THOP1: variants seen among roughly 807,000 people sequenced by gnomAD.
The protein encoded by THOP1 is thimet oligopeptidase 1.
THOP1 carries 49 observed loss-of-function variants against 71.8 expected under a neutral mutation model. That is an observed-to-expected ratio of 0.68 (90% CI 0.54 to 0.87). THOP1 has a LOEUF of 0.87. THOP1 is among the 40% of genes least tolerant of loss of function. The probability of loss-of-function intolerance (pLI) is 0.00; values close to 1 mark genes in which losing one functional copy is unlikely to be tolerated. For missense variants in THOP1, 843 were observed against 975.6 expected (o/e 0.86, Z 1.81); for synonymous variants, 426 against 421.5 (o/e 1.01, Z -0.13).
In THOP1 at chr19:2,813,382, AG is replaced by A. The variant is rs1007170251; in HGVS notation, c.*109del. ...CTCTGGCACAGTGCCTGGGACTGGC[AG>A]GGTGGCTGAGCGGCTGTCTTGCCTC... On this transcript the variant is annotated 3_prime_UTR_variant, in exon 13 of 13. Coordinates refer to ENST00000307741, the MANE Select transcript of THOP1 (RefSeq NM_003249.5). 3 of 1,342,220 alleles carry A rather than the reference AG, an allele frequency of 2.2e-6. No individual in the cohort carries two copies. Among genetic ancestry groups the A allele is most frequent in the African/African-American group, 2.9e-5 (2 of 67,908 alleles). The allele number at this position is 1,342,220 out of a possible 1,614,324, so 83.1% of individuals were successfully genotyped here.
At chr19:2,799,419 C>T (rs974915122) in intron 4 of THOP1, among the ~76,000 whole-genome samples, 1 of 152,224 alleles carries the variant, frequency 6.6e-6, no homozygotes, top group Admixed American at 6.5e-5. Context: ...CCACACCTGA[C>T]AGACCGGAGC....
chr19:2,799,575 C>G (rs1916096363), intron 4 of THOP1, 114 bp from the exon 5 acceptor site: 1 of 830,226 alleles, frequency 1.2e-6, no homozygotes, highest in Non-Finnish European at 1.9e-6. Context: ...CTTCTTTCGG[C>G]CTGGTTCTTG....
chr19:2,807,598 G>A lies in THOP1; in HGVS notation c.1043G>A (p.Arg348His), dbSNP rs185080096. The A allele has an allele frequency of 6.2e-6, 10 of 1,612,632 alleles. No homozygotes were observed. In the African/African-American group the frequency reaches 8.0e-5, roughly 13 times the overall value. The change falls in exon 8 of 13, where the codon CGC becomes CAC. Residue 348 changes from arginine to histidine, a missense_variant. Arg to His is a conservative substitution (Grantham distance 29). Coordinates refer to ENST00000307741, the MANE Select transcript of THOP1 (RefSeq NM_003249.5). ...TACATGAACCAGGTGGAGGAGACGC[G>A]CTACTGCGTGGACCAGAACCTGCTC... is the stretch of plus-strand genomic sequence containing the variant. ...RYYMNQVEET[R>H]YCVDQNLLKE...
At chr19:2,785,760 G>C (rs562313342) in intron 1 of THOP1, 82 bp downstream of exon 1, 9 of 1,258,902 alleles carry the variant, frequency 7.1e-6, no homozygotes, top group African/African-American at 1.6e-5. Context: ...CCTAAGGCTG[G>C]AGCGAAGCGA....
intron 5 of THOP1, among the ~76,000 whole-genome samples, chr19:2,802,943 C>G (rs1001231625): frequency 6.6e-6 from 1 of 152,264 alleles, no homozygotes; most frequent in East Asian, 1.9e-4. Flanking sequence ...TCCCTGTGTC[C>G]TTGTAATGCA....
rs2144770248 is a variant in THOP1 at position 2,801,572 on chromosome 19, G to C, written c.589+1781G>C. Among the ~76,000 whole-genome samples, 1 of 152,290 alleles carries C rather than the reference G, an allele frequency of 6.6e-6. No homozygotes were observed. The highest frequency in any genetic ancestry group is 1.5e-5 in the Non-Finnish European group (1 of 68,022). ...TCCCTTTGTGGTCCGTCATTTCTCA[G>C]GAGACGCCTTGCGATGGTCTTAGTT... On this transcript the variant is annotated intron_variant, in intron 5 of 12. Transcript: ENST00000307741. This position sits in a 1 kb window ranked among gnomAD's most constrained non-coding sequence, Gnocchi z 5.1.
Position 2,813,944 on chromosome 19 carries a change from G to A in THOP1, c.*668G>A, listed in dbSNP as rs1349786658. The A allele has an allele frequency of 6.6e-6, 1 of 152,558 alleles. No homozygotes were observed. Among genetic ancestry groups the A allele is most frequent in the Non-Finnish European group, 1.5e-5 (1 of 68,316 alleles). The allele number at this position is 152,558 out of a possible 1,614,324, so 9.5% of individuals were successfully genotyped here. A position where few individuals can be genotyped will look rare whatever the true frequency, so the allele number is the denominator to read the frequency against. ...GGCCCTGTGCGCACAGGCAGCCGGG[G>A]CGGGGCTGGGGGTCAGCAGCTGCCC... is the stretch of plus-strand genomic sequence containing the variant. On this transcript the variant is annotated 3_prime_UTR_variant, in exon 13 of 13. Transcript: ENST00000307741.
At chr19:2,785,723 TCG>T in intron 1 of THOP1, 45 bp downstream of exon 1, 1 of 1,364,028 alleles carries the variant, frequency 7.3e-7, no homozygotes, top group Non-Finnish European at 9.5e-7. Flanking sequence ...CCCTGCACCC[TCG>T]CTCCTCCCGG....
At position 2,808,590 on chromosome 19, in the gene THOP1, G is replaced by A; in HGVS notation, c.1455+146G>A. ...TCATCCAATGCCACCCAAAGATGGT[G>A]ACTCCCTGTCATGCCCGTGTCCTGG... On this transcript the variant is annotated intron_variant, in intron 9 of 12. Coordinates refer to ENST00000307741, the MANE Select transcript of THOP1 (RefSeq NM_003249.5). 5.2e-6 allele frequency: 5 copies of A among 953,610 alleles called. No individual in the cohort carries two copies. In the South Asian group the frequency reaches 8.8e-5, roughly 17 times the overall value. The allele number at this position is 953,610 out of a possible 1,614,324, so 59.1% of individuals were successfully genotyped here. A position where few individuals can be genotyped will look rare whatever the true frequency, so the allele number is the denominator to read the frequency against.
At position 2,807,366 on chromosome 19, in the gene THOP1, C is replaced by T. The variant is rs533986964; in HGVS notation, c.887-76C>T. On this transcript the variant is annotated intron_variant, in intron 7 of 12. Coordinates refer to ENST00000307741, the MANE Select transcript of THOP1 (RefSeq NM_003249.5). ...CCAAATGGGGAGCCTGACGAAGTCG[C>T]GGCCGCGGGCGGGCGAGCCCAGAGC... 4.6e-4 allele frequency: 687 copies of T among 1,479,934 alleles called. 3 individuals carry two copies. The African/African-American group carries it at 5.0e-3, about 11-fold the overall frequency. 91.7% of individuals were successfully genotyped at this position (1,479,934 alleles called of 1,614,324 possible). A position where few individuals can be genotyped will look rare whatever the true frequency, so the allele number is the denominator to read the frequency against.
chr19:2,787,420 A>C (rs1242017202), intron 1 of THOP1, among the ~76,000 whole-genome samples: 1 of 151,936 alleles, frequency 6.6e-6, no homozygotes, highest in Non-Finnish European at 1.5e-5. Flanking sequence ...TATTTACAGG[A>C]TGAACTGACG....
intron 1 of THOP1, among the ~76,000 whole-genome samples, chr19:2,788,280 C>T (rs761742308): frequency 2.0e-5 from 3 of 152,184 alleles, no homozygotes; most frequent in East Asian, 1.9e-4. Context: ...AGGTGGGGTC[C>T]GCACCCAGGC....
In THOP1 at chr19:2,810,694, C is replaced by T. The variant is rs182189341; in HGVS notation, c.1697C>T (p.Thr566Met). Residue 566 changes from threonine to methionine, a missense_variant, in exon 11 of 13, where the codon ACG becomes ATG. Thr to Met is a moderately conservative substitution (Grantham distance 81, BLOSUM62 -1). Coordinates refer to ENST00000307741, the MANE Select transcript of THOP1 (RefSeq NM_003249.5). Reference sequence around the variant, plus strand: ...GCCAAGGTGGACCAGGCCCTGCACACGCAGACGGACGCAGACCCCGCCGAG... The same window carrying T: ...GCCAAGGTGGACCAGGCCCTGCACATGCAGACGGACGCAGACCCCGCCGAG... ...VLAKVDQALHTQTDADPAEEY... is the reference protein window; with the variant it reads ...VLAKVDQALHMQTDADPAEEY... 47 of 1,573,106 alleles carry T rather than the reference C, an allele frequency of 3.0e-5. No homozygotes were observed. In the Middle Eastern group the frequency reaches 1.0e-3, roughly 33 times the overall value.
At chr19:2,803,854 C>A (rs965641200) in intron 5 of THOP1, among the ~76,000 whole-genome samples, 1 of 152,182 alleles carries the variant, frequency 6.6e-6, no homozygotes, top group African/African-American at 2.4e-5. Context: ...CTCTGGCCCC[C>A]CAACCGGATC....
At chr19:2,798,612 A>C (rs1005210861) in intron 4 of THOP1, among the ~76,000 whole-genome samples, 1 of 152,230 alleles carries the variant, frequency 6.6e-6, no homozygotes, top group Non-Finnish European at 1.5e-5. Flanking sequence ...AGGGGGAGAC[A>C]TTGGGAATTG....
At chr19:2,785,840 C>G (rs1915728386) in intron 1 of THOP1, among the ~76,000 whole-genome samples, 162 bp downstream of exon 1, 2 of 152,106 alleles carry the variant, frequency 1.3e-5, no homozygotes, top group Non-Finnish European at 2.9e-5. Flanking sequence ...TCTCGTTTGC[C>G]GAATGAATGA....
chr19:2,810,823 TG>T (rs1916443967), intron 11 of THOP1, 55 bp downstream of exon 11: 2 of 1,567,204 alleles, frequency 1.3e-6, no homozygotes, highest in Non-Finnish European at 1.7e-6. Context: ...GCTGCTTCCC[TG>T]GGAAGGTGAA....
intron 1 of THOP1, among the ~76,000 whole-genome samples, chr19:2,788,187 C>A (rs1915795747): frequency 6.6e-6 from 1 of 152,220 alleles, no homozygotes; most frequent in Admixed American, 6.5e-5. Flanking sequence ...TTGTTCTCTG[C>A]ACCCTGAATT....
At chr19:2,812,764 T>C (rs981263264) in intron 12 of THOP1, among the ~76,000 whole-genome samples, 1 of 152,220 alleles carries the variant, frequency 6.6e-6, no homozygotes, top group Admixed American at 6.5e-5. Flanking sequence ...CCTGGGCCTT[T>C]AGGGCGGCCC....
Sources: allele counts gnomAD v4.1 joint callset (sites outside exome capture counted in the v4.1 genomes callset), GRCh38; gene constraint gnomAD v4.1.1; non-coding constraint Gnocchi (gnomAD v3.1); transcripts MANE v1.5; gene names NCBI Gene and HGNC (gene_info 2026-07-23, HGNC 2026-07-21).